NUP42: variants seen among roughly 807,000 people sequenced by gnomAD.
NUP42 encodes the protein nucleoporin NUP42.
A neutral mutation model predicts 35.9 loss-of-function variants in NUP42; 47 were observed. That is an observed-to-expected ratio of 1.31 (90% CI 1.04 to 1.67). The LOEUF (loss-of-function observed/expected upper bound fraction) is 1.67. Ranked by LOEUF, NUP42 falls within the 40% of genes most tolerant of loss-of-function variation. The pLI is 0.00. For missense variants in NUP42, 514 were observed against 492.2 expected, an observed-to-expected ratio of 1.04 and a Z score of -0.42; for synonymous variants, 173 against 173.3, an observed-to-expected ratio of 1.00 and a Z score of 0.01.
rs1159576124 is a variant in NUP42, at chr7:23,186,995, AT to A, written c.351-53del. On this transcript the variant is annotated intron_variant, in intron 2 of 6. Transcript: ENST00000258742. The stretch of plus-strand genomic sequence containing the variant: ...AGTTGTGGAAAACCATTAACAATAA[AT>A]TTTACCAAGCAGCTAAGAAGATCCT... The A allele has an allele frequency of 3.4e-6, 4 of 1,188,820 alleles. No homozygotes were observed. In the African/African-American group the frequency reaches 6.2e-5, roughly 18 times the overall value. 73.6% of individuals were successfully genotyped at this position (1,188,820 alleles called of 1,614,324 possible).
rs750501148 is a variant in NUP42 at position 23,185,086 on chromosome 7, A to G, written c.138A>G (p.Gly46=). The G allele has an allele frequency of 6.2e-7, 1 of 1,612,986 alleles. No homozygotes were observed. The highest frequency in any genetic ancestry group is 8.5e-7 in the Non-Finnish European group (1 of 1,179,330). The stretch of plus-strand genomic sequence containing the variant: ...TTATTTTAGGTAATAATAGACGTGG[A>G]TGGAATACAACTAGCCAGAGATATT... The part of the protein sequence containing the change: ...QQQPSGNNRR[G]WNTTSQRYSN... Residue 46 remains glycine (G), a synonymous_variant, in exon 2 of 7, where the codon GGA becomes GGG. Coordinates refer to ENST00000258742, the MANE Select transcript of NUP42 (RefSeq NM_007342.3).
intron 1 of NUP42, among the ~76,000 whole-genome samples, chr7:23,183,497 A>G (rs1023534835): frequency 6.6e-6 from 1 of 152,154 alleles, no homozygotes; most frequent in Non-Finnish European, 1.5e-5. Context: ...CTGGGATTAC[A>G]GGCGTGAGCG....
intron 5 of NUP42, 108 bp from the exon 6 acceptor site, chr7:23,199,350 C>G: frequency 2.3e-6 from 2 of 875,866 alleles, no homozygotes; most frequent in South Asian, 2.8e-5. Context: ...CCACACCCAG[C>G]CTTTAATGCA....
chr7:23,200,101 T>A, intron 6 of NUP42, 67 bp from the exon 7 acceptor site: 2 of 1,127,602 alleles, frequency 1.8e-6, no homozygotes, highest in South Asian at 1.7e-5. Context: ...GGGGAGGAAA[T>A]AATTGTGACA....
intron 3 of NUP42, among the ~76,000 whole-genome samples, chr7:23,189,518 G>T (rs1785716299): frequency 6.6e-6 from 1 of 152,210 alleles, no homozygotes; most frequent in South Asian, 2.1e-4. Flanking sequence ...TGGAGGCTGA[G>T]GTGGGGGGAT....
In NUP42 at chr7:23,188,434, G is replaced by A. The variant is rs186907421; in HGVS notation, c.445+1288G>A. Reference sequence around the variant, plus strand: ...ATATTTTCTATAAAGAAACCACAAAGTATTAAGCCCTTAATCAGCTTAAGT... The same window carrying A: ...ATATTTTCTATAAAGAAACCACAAAATATTAAGCCCTTAATCAGCTTAAGT... On this transcript the variant is annotated intron_variant, in intron 3 of 6. Transcript: ENST00000258742. 2.0e-5 allele frequency: 20 copies of A among 985,336 alleles called. No individual in the cohort carries two copies. The Admixed American group carries it at 9.2e-4, about 45-fold the overall frequency. The allele number at this position is 985,336 out of a possible 1,614,324, so 61.0% of individuals were successfully genotyped here.
Position 23,185,300 on chromosome 7 carries a change from T to G in NUP42, c.350+2T>G. On this transcript the variant is annotated splice_donor_variant, in intron 2 of 6. Coordinates refer to ENST00000258742, the MANE Select transcript of NUP42 (RefSeq NM_007342.3). LOFTEE classifies it high-confidence loss of function. Reference sequence around the variant, plus strand: ...GCAGAAAGATGAAAAGAAACTTCTGTAAGTGAAAGTTTTCAGGAAAATTAC... The same window carrying G: ...GCAGAAAGATGAAAAGAAACTTCTGGAAGTGAAAGTTTTCAGGAAAATTAC... The G allele has an allele frequency of 6.3e-7, 1 of 1,592,716 alleles. No homozygotes were observed. Among genetic ancestry groups the G allele is most frequent in the Non-Finnish European group, 8.6e-7 (1 of 1,166,480 alleles).
In NUP42 at chr7:23,185,295, T is replaced by G; in HGVS notation, c.347T>G (p.Leu116Arg). ...GATGAGCAGAAAGATGAAAAGAAAC[T>G]TCTGTAAGTGAAAGTTTTCAGGAAA... Reference protein sequence around the residue: ...SPDEQKDEKKLLEGIVKDMEV... With the variant: ...SPDEQKDEKKRLEGIVKDMEV... The change falls in exon 2 of 7, where the codon CTT becomes CGT. Residue 116 changes from leucine (L) to arginine (R), a missense_variant. By Grantham distance (102) the Leu-to-Arg change is moderately radical. Coordinates refer to ENST00000258742, the MANE Select transcript of NUP42 (RefSeq NM_007342.3). 6.2e-7 allele frequency: 1 copy of G among 1,600,518 alleles called. No individual in the cohort carries two copies. The highest frequency in any genetic ancestry group is 8.5e-7 in the Non-Finnish European group (1 of 1,172,336).
At chr7:23,189,669 T>C (rs910889658) in intron 3 of NUP42, among the ~76,000 whole-genome samples, 3 of 151,028 alleles carry the variant, frequency 2.0e-5, no homozygotes, top group Non-Finnish European at 4.4e-5. Flanking sequence ...TCCCAGCACT[T>C]TGGGAGGCCG....
At chr7:23,182,242 C>G in intron 1 of NUP42, 36 bp downstream of exon 1, 1 of 1,569,158 alleles carries the variant, frequency 6.4e-7, no homozygotes, top group South Asian at 1.1e-5. Flanking sequence ...GTAACCGAGC[C>G]GGGAAGGGTC....
chr7:23,182,447 CT>C (rs1785441025), intron 1 of NUP42: 1 of 1,328,110 alleles, frequency 7.5e-7, no homozygotes, highest in African/African-American at 1.5e-5. Flanking sequence ...TTGTGCGAAA[CT>C]GAGTTTTTAA....
chr7:23,187,685 T>C (rs998887084), intron 3 of NUP42, among the ~76,000 whole-genome samples: 1 of 149,134 alleles, frequency 6.7e-6, no homozygotes, highest in Non-Finnish European at 1.5e-5. Flanking sequence ...CGGCTCACTG[T>C]GACCTCTGCC....
intron 3 of NUP42, chr7:23,188,615 G>A (rs1415154493): frequency 1.3e-6 from 1 of 787,070 alleles, no homozygotes; most frequent in Non-Finnish European, 1.5e-6. Context: ...TTTTTAGTAT[G>A]TGTACATGCC....
rs778108978 is a variant in NUP42, at chr7:23,200,455, G to T, written c.982G>T (p.Val328Phe). 1.9e-6 allele frequency: 3 copies of T among 1,614,096 alleles called. No homozygotes were observed. The highest frequency in any genetic ancestry group is 1.7e-6 in the Non-Finnish European group (2 of 1,180,054). ...TCCAGCTTCCTTGGCAACAGGTCCT[G>T]TCAGAGCTCCAGTGGCCCCAGCCTT... is the stretch of plus-strand genomic sequence containing the variant. ...GLPASLATGP[V>F]RAPVAPAFGG... Residue 328 changes from valine (V) to phenylalanine (F), a missense_variant, in exon 7 of 7, where the codon GTC becomes TTC. Val to Phe is a conservative substitution (Grantham distance 50). Transcript: ENST00000258742.
In NUP42 at chr7:23,187,088, A is replaced by C. The variant is rs1173868737; in HGVS notation, c.387A>C (p.Ser129=). 6 of 1,608,512 alleles carry C rather than the reference A, an allele frequency of 3.7e-6. No homozygotes were observed. Among genetic ancestry groups the C allele is most frequent in the Non-Finnish European group, 5.1e-6 (6 of 1,177,822 alleles). Residue 129 remains serine, a synonymous_variant, in exon 3 of 7, where the codon TCA becomes TCC. Coordinates refer to ENST00000258742, the MANE Select transcript of NUP42 (RefSeq NM_007342.3). ...TAAAAGATATGGAGGTTTGGGAATC[A>C]TCAGGGCAGTGGATGTTTTCTGTTT... is the stretch of plus-strand genomic sequence containing the variant. ...GIVKDMEVWE[S]SGQWMFSVYS...
chr7:23,198,791 T>C (rs1462661551), intron 5 of NUP42, among the ~76,000 whole-genome samples: 2 of 152,200 alleles, frequency 1.3e-5, no homozygotes, highest in African/African-American at 4.8e-5. Context: ...AAAGGTCCTT[T>C]TTACCTAATA....
intron 3 of NUP42, chr7:23,188,013 A>ATTTT: frequency 2.2e-6 from 2 of 909,080 alleles, no homozygotes; most frequent in East Asian, 3.6e-5. Context: ...TTTTATTTTT[A>ATTTT]TTTTTTTTTT....
chr7:23,187,110 G>A lies in NUP42; in HGVS notation c.409G>A (p.Val137Ile), dbSNP rs554141794. Reference sequence around the variant, plus strand: ...ATCATCAGGGCAGTGGATGTTTTCTGTTTATTCACCAGTGAAAAAGAAACC... The same window carrying A: ...ATCATCAGGGCAGTGGATGTTTTCTATTTATTCACCAGTGAAAAAGAAACC... ...WESSGQWMFSVYSPVKKKPNI... is the reference protein window; with the variant it reads ...WESSGQWMFSIYSPVKKKPNI... The change falls in exon 3 of 7, where the codon GTT (valine) becomes ATT (isoleucine). Residue 137 changes from valine to isoleucine, a missense_variant. By Grantham distance (29) the Val-to-Ile change is conservative (BLOSUM62 3). Transcript: ENST00000258742. 9 of 1,607,898 alleles carry A rather than the reference G, an allele frequency of 5.6e-6. No individual in the cohort carries two copies. The South Asian group carries it at 1.0e-4, about 18-fold the overall frequency.
Position 23,200,214 on chromosome 7 carries a change from T to C in NUP42, c.741T>C (p.Ser247=), listed in dbSNP as rs1786164148. 2 of 1,603,514 alleles carry C rather than the reference T, an allele frequency of 1.2e-6. No homozygotes were observed. The highest frequency in any genetic ancestry group is 1.7e-6 in the Non-Finnish European group (2 of 1,173,684). ...NSSSDNAQNF[S]FKTNSGFAAA... Reference sequence around the variant, plus strand: ...GCAGTGATAATGCTCAGAACTTTAGTTTTAAAACAAACTCTGGATTTGCTG... The same window carrying C: ...GCAGTGATAATGCTCAGAACTTTAGCTTTAAAACAAACTCTGGATTTGCTG... Residue 247 remains serine (S), a synonymous_variant, in exon 7 of 7, where the codon AGT becomes AGC. Transcript: ENST00000258742.
Sources: allele counts gnomAD v4.1 joint callset (sites outside exome capture counted in the v4.1 genomes callset), GRCh38; gene constraint gnomAD v4.1.1; transcripts MANE v1.5; gene names NCBI Gene and HGNC (gene_info 2026-07-23, HGNC 2026-07-21).